Variants in SEMA3C observed in about 807,000 individuals in gnomAD.
SEMA3C encodes the protein semaphorin-3C.
A neutral mutation model predicts 89.4 loss-of-function variants in SEMA3C; 47 were observed. The observed-to-expected ratio is 0.53, with a 90% CI of 0.42 to 0.67. The LOEUF is 0.67. Ranked by LOEUF, SEMA3C falls within the 30% of genes least tolerant of loss-of-function variation. The probability of loss-of-function intolerance (pLI) is 0.00; values close to 1 mark genes in which losing one functional copy is unlikely to be tolerated. For missense variants in SEMA3C, 839 were observed against 929.1 expected (o/e 0.90, Z 1.26); for synonymous variants, 310 against 320.2 (o/e 0.97, Z 0.34).
chr7:80,899,171 G>A (rs1251254151), intron 2 of SEMA3C, among the ~76,000 whole-genome samples: 2 of 152,178 alleles, frequency 1.3e-5, no homozygotes, highest in African/African-American at 4.8e-5. Context: ...CTCCTGAGTA[G>A]CTGCGATTAC....
At chr7:80,911,996 C>T (rs1792164093) in intron 2 of SEMA3C, among the ~76,000 whole-genome samples, 2 of 152,128 alleles carry the variant, frequency 1.3e-5, no homozygotes, top group Non-Finnish European at 2.9e-5. Context: ...CAAGCTCACT[C>T]TTCTAACTTC....
chr7:80,889,328 T>C (rs554290254), intron 2 of SEMA3C, among the ~76,000 whole-genome samples: 1 of 152,326 alleles, frequency 6.6e-6, no homozygotes, highest in African/African-American at 2.4e-5. Context: ...AAAACTAGAA[T>C]AGAGGTCTCT....
intron 12 of SEMA3C, among the ~76,000 whole-genome samples, chr7:80,783,556 C>T (rs1788736627): frequency 6.6e-6 from 1 of 152,178 alleles, no homozygotes; most frequent in Non-Finnish European, 1.5e-5. Context: ...GAGTGACATT[C>T]ACACACAACT....
chr7:80,910,381 A>C (rs1792115320), intron 2 of SEMA3C, among the ~76,000 whole-genome samples: 1 of 152,184 alleles, frequency 6.6e-6, no homozygotes, highest in Non-Finnish European at 1.5e-5. Context: ...TAAAACGTGG[A>C]ACATACTTGC....
In SEMA3C at chr7:80,749,048, G is replaced by A. The variant is rs1406192357; in HGVS notation, c.1712-20C>T. ...TGTATGCTAGCAGGCAAAAATAAAA[G>A]GCGAGAGAGAAAGAAAGAACACAAC... is the stretch of plus-strand genomic sequence containing the variant. On this transcript the variant is annotated intron_variant, in intron 16 of 17. Coordinates refer to ENST00000265361, the MANE Select transcript of SEMA3C (RefSeq NM_006379.5). 8.2e-6 allele frequency: 13 copies of A among 1,582,098 alleles called. No individual in the cohort carries two copies. Among genetic ancestry groups the A allele is most frequent in the Non-Finnish European group, 1.1e-5 (13 of 1,166,472 alleles).
At chr7:80,847,725 G>C (rs1285302273) in intron 2 of SEMA3C, among the ~76,000 whole-genome samples, 1 of 152,138 alleles carries the variant, frequency 6.6e-6, no homozygotes, top group Non-Finnish European at 1.5e-5. Context: ...GGCTGACTGT[G>C]GCAACTGGTG....
Position 80,744,799 on chromosome 7 carries a change from T to A in SEMA3C, c.*95A>T, listed in dbSNP as rs2117018903. 1 of 1,386,388 alleles carries A rather than the reference T, an allele frequency of 7.2e-7. No homozygotes were observed. Among genetic ancestry groups the A allele is most frequent in the Non-Finnish European group, 1.0e-6 (1 of 988,018 alleles). The allele number at this position is 1,386,388 out of a possible 1,614,324, so 85.9% of individuals were successfully genotyped here. On this transcript the variant is annotated 3_prime_UTR_variant, in exon 18 of 18. Transcript: ENST00000265361. ...CAGGAGTAATCACCTTTTTCAGTAA[T>A]TCCCCTTGGTAAAGCACAAGTTTCT...
chr7:80,907,711 T>C (rs1246371522), intron 2 of SEMA3C, among the ~76,000 whole-genome samples: 1 of 152,090 alleles, frequency 6.6e-6, no homozygotes, highest in Non-Finnish European at 1.5e-5. Flanking sequence ...GTTTAGAGAA[T>C]ACTTAGGGCT....
At chr7:80,781,991 A>G (rs1419515255) in intron 12 of SEMA3C, among the ~76,000 whole-genome samples, 1 of 152,120 alleles carries the variant, frequency 6.6e-6, no homozygotes, top group Non-Finnish European at 1.5e-5. Context: ...ATTTTAATTA[A>G]GAAAAAAAAA....
intron 2 of SEMA3C, among the ~76,000 whole-genome samples, chr7:80,894,777 C>T (rs975175396): frequency 5.3e-5 from 8 of 152,024 alleles, no homozygotes; most frequent in Admixed American, 3.9e-4. Flanking sequence ...CTATTTTTAT[C>T]ATCCTTCACA....
chr7:80,761,811 T>C (rs185306191), intron 13 of SEMA3C, among the ~76,000 whole-genome samples, 154 bp from the exon 14 acceptor site: 80 of 152,250 alleles, frequency 5.3e-4, no homozygotes, highest in African/African-American at 1.8e-3. Flanking sequence ...TACATTTGCA[T>C]ATACTTGTCT....
chr7:80,750,471 TATACAC>T (rs1440395915), intron 16 of SEMA3C, among the ~76,000 whole-genome samples: 197 of 52,356 alleles, frequency 3.8e-3, no homozygotes, highest in African/African-American at 8.5e-3. Context: ...TATATATATA[TATACAC>T]ACACACACAC....
chr7:80,899,001 A>G (rs908556661), intron 2 of SEMA3C, among the ~76,000 whole-genome samples: 5 of 152,146 alleles, frequency 3.3e-5, no homozygotes, highest in East Asian at 1.9e-4. Context: ...CTATTGTTGA[A>G]TCCCTTCACT....
chr7:80,810,167 A>G (rs939970756), intron 6 of SEMA3C, among the ~76,000 whole-genome samples: 2 of 152,176 alleles, frequency 1.3e-5, no homozygotes, highest in African/African-American at 4.8e-5. Flanking sequence ...TCCATTATGT[A>G]TACATAGATC....
chr7:80,832,677 T>C (rs76535039), intron 2 of SEMA3C, among the ~76,000 whole-genome samples: 2,417 of 152,214 alleles, frequency 0.016, 64 homozygotes, highest in East Asian at 0.11. Flanking sequence ...CACATGATGA[T>C]TGCAGCAATT....
chr7:80,828,864 T>C (rs1033704598), intron 2 of SEMA3C, 119 bp from the exon 3 acceptor site: 7 of 765,950 alleles, frequency 9.1e-6, no homozygotes, highest in Non-Finnish European at 1.4e-5. Context: ...TCTTCTACAG[T>C]AAGAAATTAA....
intron 12 of SEMA3C, among the ~76,000 whole-genome samples, chr7:80,765,583 T>TTTTGTTTTG (rs147219875): frequency 0.04 from 4,647 of 114,780 alleles, 246 homozygotes; most frequent in African/African-American, 0.12. Flanking sequence ...TTTTGTTTTG[T>TTTTGTTTTG]TTTGTTTGTT....
At chr7:80,911,789 A>G (rs770696577) in intron 2 of SEMA3C, among the ~76,000 whole-genome samples, 8 of 151,942 alleles carry the variant, frequency 5.3e-5, no homozygotes, top group Middle Eastern at 3.2e-3. Context: ...GGCCACCACC[A>G]TGCCTGGCTA....
chr7:80,880,072 C>T (rs879171810), intron 2 of SEMA3C, among the ~76,000 whole-genome samples: 2 of 152,164 alleles, frequency 1.3e-5, no homozygotes, highest in Non-Finnish European at 2.9e-5. Flanking sequence ...CACCTTTGGG[C>T]CTTTGCTCTG....
Sources: gnomAD v4.1 joint callset for allele counts (sites outside exome capture counted in the v4.1 genomes callset) on GRCh38, gnomAD v4.1.1 for gene constraint, MANE v1.5 for transcripts, NCBI Gene and HGNC (gene_info 2026-07-23, HGNC 2026-07-21) for gene names.